Variants in NFIB observed in about 807,000 individuals in gnomAD.
NFIB encodes nuclear factor I B, also known as nuclear factor 1 B-type.
A neutral mutation model predicts 61.5 loss-of-function variants in NFIB; 11 were observed. That is an observed-to-expected ratio of 0.18 (90% CI 0.11 to 0.30). The LOEUF is 0.30. Ranked by LOEUF, NFIB falls within the 10% of genes least tolerant of loss-of-function variation. The pLI is 1.00. For synonymous variants in NFIB, 260 were observed against 216.5 expected (o/e 1.20, Z -1.76); for missense variants, 471 against 608.9 (o/e 0.77, Z 2.38).
chr9:14,346,290 A>AACCCCC (rs2061019183), intron 1 of NFIB, among the ~76,000 whole-genome samples: 8 of 88,386 alleles, frequency 9.1e-5, no homozygotes, highest in Non-Finnish European at 1.3e-4. Context: ...GGTAACCGAC[A>AACCCCC]CCCCCCCCCC....
At chr9:14,226,567 A>G (rs993027829) in intron 2 of NFIB, among the ~76,000 whole-genome samples, 1 of 151,746 alleles carries the variant, frequency 6.6e-6, no homozygotes, top group African/African-American at 2.4e-5. Flanking sequence ...AAAAAAAAGC[A>G]ATGAATATAT....
At position 14,146,751 on chromosome 9, in the gene NFIB, T is replaced by A; in HGVS notation, c.863A>T (p.Asp288Val). The A allele has an allele frequency of 6.2e-7, 1 of 1,608,740 alleles. No individual in the cohort carries two copies. The highest frequency in any genetic ancestry group is 8.5e-7 in the Non-Finnish European group (1 of 1,178,650). ...TGGTGAACTTGGAGAGGGGTAAAAG[T>A]CTCCTGTAGGACTTGGTTCCATATT... The part of the protein sequence containing the change: ...DENMEPSPTG[D>V]FYPSPSSPAA... Residue 288 changes from aspartate to valine, a missense_variant, in exon 6 of 11, where the codon GAC becomes GTC. Coordinates refer to ENST00000380953, the MANE Select transcript of NFIB (RefSeq NM_001190737.2).
Position 14,084,735 on chromosome 9 carries a change from A to G in NFIB, c.*3574T>C. 1 of 229,856 alleles carries G rather than the reference A, an allele frequency of 4.4e-6. No individual in the cohort carries two copies. The highest frequency in any genetic ancestry group is 8.6e-6 in the Non-Finnish European group (1 of 115,912). The allele number at this position is 229,856 out of a possible 1,614,324, so 14.2% of individuals were successfully genotyped here. The stretch of plus-strand genomic sequence containing the variant: ...AAGGGAGGGGCGTGCAAGACCTGCA[A>G]AAGTGGGGCCCTTCGTCAGAATATA... On this transcript the variant is annotated 3_prime_UTR_variant, in exon 11 of 11. Coordinates refer to ENST00000380953, the MANE Select transcript of NFIB (RefSeq NM_001190737.2).
At chr9:14,254,427 T>G (rs1041874422) in intron 2 of NFIB, among the ~76,000 whole-genome samples, 1 of 152,218 alleles carries the variant, frequency 6.6e-6, no homozygotes, top group Non-Finnish European at 1.5e-5. Context: ...AGTACTTCTC[T>G]TAAACACTGA....
chr9:14,232,460 C>T (rs1039576240), intron 2 of NFIB, among the ~76,000 whole-genome samples: 120 of 152,128 alleles, frequency 7.9e-4, no homozygotes, highest in African/African-American at 2.8e-3. Context: ...AAAGAAGATA[C>T]TCAGCTACTG....
intron 3 of NFIB, among the ~76,000 whole-genome samples, chr9:14,166,237 AT>A (rs1194213553): frequency 6.6e-6 from 1 of 151,754 alleles, no homozygotes; most frequent in Non-Finnish European, 1.5e-5. Context: ...CCTGTTCTTA[AT>A]TTTTTTATTG....
At position 14,259,501 on chromosome 9, in the gene NFIB, A is replaced by G. The variant is rs191723073; in HGVS notation, c.562+47488T>C. 2.3e-4 allele frequency among the ~76,000 whole-genome samples: 35 copies of G among 152,330 alleles called. No homozygotes were observed. The East Asian group carries it at 2.9e-3, about 13-fold the overall frequency. On this transcript the variant is annotated intron_variant, in intron 2 of 10. Coordinates refer to ENST00000380953, the MANE Select transcript of NFIB (RefSeq NM_001190737.2). ...TCCTATGGCTGAGTCTTGGGTATGA[A>G]GAGGGAGAAGTTTCTCACATAAGCA...
chr9:14,321,073 T>C (rs1354704362), intron 1 of NFIB, among the ~76,000 whole-genome samples: 2 of 152,142 alleles, frequency 1.3e-5, no homozygotes, highest in Non-Finnish European at 2.9e-5. Flanking sequence ...GCATCTTGTG[T>C]CAAAGTCGAA....
chr9:14,096,494 T>C (rs962896350), intron 10 of NFIB: 5 of 152,136 alleles, frequency 3.3e-5, no homozygotes, highest in South Asian at 2.1e-4. Context: ...TGTCTCAGGA[T>C]CATCTCATTT....
chr9:14,379,392 G>A (rs913880711), intron 1 of NFIB, among the ~76,000 whole-genome samples: 1 of 152,194 alleles, frequency 6.6e-6, no homozygotes, highest in Non-Finnish European at 1.5e-5. Context: ...AAGCTGCTGT[G>A]TAAAATAACA....
rs183989598 is a variant in NFIB at position 14,178,729 on chromosome 9, G to T, written c.616+998C>A. Among the ~76,000 whole-genome samples the T allele has an allele frequency of 3.2e-4, 48 of 152,158 alleles. No homozygotes were observed. In the East Asian group the frequency reaches 8.7e-3, roughly 28 times the overall value. ...CTAAAATCATTTTAAGACAAAATTG[G>T]TCTGATAAACTTTCTTGCAATTTTG... On this transcript the variant is annotated intron_variant, in intron 3 of 10. Coordinates refer to ENST00000380953, the MANE Select transcript of NFIB (RefSeq NM_001190737.2).
intron 2 of NFIB, among the ~76,000 whole-genome samples, chr9:14,299,037 C>T (rs1166557160): frequency 1.3e-5 from 2 of 152,120 alleles, no homozygotes; most frequent in African/African-American, 4.8e-5. Flanking sequence ...AGTTGTCCTA[C>T]GAAGGAACAT....
intron 1 of NFIB, among the ~76,000 whole-genome samples, chr9:14,356,303 C>A (rs1024610460): frequency 1.3e-5 from 2 of 152,046 alleles, no homozygotes; most frequent in Non-Finnish European, 2.9e-5. Flanking sequence ...ATGTTATTTC[C>A]CAAGATTCCA....
chr9:14,127,694 C>T (rs2039851720), intron 6 of NFIB, among the ~76,000 whole-genome samples: 1 of 152,054 alleles, frequency 6.6e-6, no homozygotes, highest in Non-Finnish European at 1.5e-5. Flanking sequence ...ATTATCATTA[C>T]ATTTTACCAT....
intron 3 of NFIB, among the ~76,000 whole-genome samples, chr9:14,159,461 T>G (rs2382443): frequency 6.6e-6 from 1 of 151,902 alleles, no homozygotes; most frequent in Non-Finnish European, 1.5e-5. Flanking sequence ...TTCCTGAGGA[T>G]GAGTGATGAT....
At chr9:14,280,251 C>T (rs2058280590) in intron 2 of NFIB, among the ~76,000 whole-genome samples, 1 of 152,090 alleles carries the variant, frequency 6.6e-6, no homozygotes, top group Non-Finnish European at 1.5e-5. Flanking sequence ...TTGTGTGACC[C>T]TGGGCATAAT....
At position 14,113,065 on chromosome 9, in the gene NFIB, G is replaced by A; in HGVS notation, c.1401C>T (p.Gly467=). 1.3e-6 allele frequency: 2 copies of A among 1,550,040 alleles called. No individual in the cohort carries two copies. Among genetic ancestry groups the A allele is most frequent in the Non-Finnish European group, 8.7e-7 (1 of 1,146,732 alleles). Residue 467 remains glycine (G), a synonymous_variant, in exon 10 of 11, where the codon GGC becomes GGT. Transcript: ENST00000380953. ...CCACATATCGATTGGCTTGAGATGT[G>A]CCTGAGGCTGTGTAGGCTGATTAAG... ...TTSTEAYTAS[G]TSQANRYVGL...
the NFIB span, among the ~76,000 whole-genome samples, chr9:14,433,567 G>T: frequency 3.9e-5 from 6 of 152,154 alleles, no homozygotes; most frequent in Admixed American, 2.0e-4. Flanking sequence ...ATCTACTGCT[G>T]ACATCTTTCC....
chr9:14,381,073 C>CAA (rs34848529), intron 1 of NFIB, among the ~76,000 whole-genome samples: 870 of 82,116 alleles, frequency 0.011, 34 homozygotes, highest in African/African-American at 0.018. Context: ...GACTCCGTCT[C>CAA]AAAAAAAAAA....
Sources: gnomAD v4.1 joint callset for allele counts (sites outside exome capture counted in the v4.1 genomes callset) on GRCh38, gnomAD v4.1.1 for gene constraint, MANE v1.5 for transcripts, NCBI Gene and HGNC (gene_info 2026-07-23, HGNC 2026-07-21) for gene names.